HKDC1: variants seen among roughly 807,000 people sequenced by gnomAD.
HKDC1 encodes the protein hexokinase domain containing 1.
Under a neutral mutation model 96.6 loss-of-function variants are expected in HKDC1, and 66 were observed. The ratio of observed to expected loss-of-function variants is 0.68; its 90% confidence interval spans 0.56 to 0.84. HKDC1 has a LOEUF of 0.84. Ranked by LOEUF, HKDC1 falls within the 40% of genes least tolerant of loss-of-function variation. HKDC1 has a pLI of 0.00. For synonymous variants in HKDC1, 466 were observed against 473.1 expected, an observed-to-expected ratio of 0.98 and a Z score of 0.20; for missense variants, 1,211 against 1,208.1, an observed-to-expected ratio of 1.00 and a Z score of -0.04.
chr10:69,250,495 T>A (rs1216608030), intron 11 of HKDC1, 38 bp from the exon 12 acceptor site: 2 of 1,613,294 alleles, frequency 1.2e-6, no homozygotes, highest in Non-Finnish European at 1.7e-6. Flanking sequence ...TGCATCGATG[T>A]CCGCCTGGTG....
chr10:69,258,624 T>G (rs1843757038), intron 14 of HKDC1, 152 bp from the exon 15 acceptor site: 1 of 746,280 alleles, frequency 1.3e-6, no homozygotes, highest in African/African-American at 1.8e-5. Flanking sequence ...GATGAGATGC[T>G]TGCCCAAGGT....
intron 4 of HKDC1, among the ~76,000 whole-genome samples, chr10:69,238,226 G>C (rs913809365): frequency 6.6e-6 from 1 of 152,130 alleles, no homozygotes; most frequent in South Asian, 2.1e-4. Context: ...CTACAGGTAC[G>C]GGCCACTCTG....
chr10:69,232,686 T>C, intron 2 of HKDC1, 78 bp from the exon 3 acceptor site: 1 of 1,333,720 alleles, frequency 7.5e-7, no homozygotes, highest in Admixed American at 1.8e-5. Flanking sequence ...GTTGATTATA[T>C]GTCCAACCTC....
rs33937984 is a variant in HKDC1 at position 69,239,766 on chromosome 10, C to CTTTTTTT, written c.591+641_591+647dup. 1.6e-5 allele frequency among the ~76,000 whole-genome samples: 2 copies of CTTTTTTT among 126,644 alleles called. 1 individual carries two copies. The allele number at this position is 126,644 out of a possible 152,430, so 83.1% of individuals were successfully genotyped here. Reference sequence around the variant, plus strand: ...ATTTTCCCTTATTGTTTTCATTTTACTTTTTTTTTTTTTTTTTTAGAGATG... The same window carrying CTTTTTTT: ...ATTTTCCCTTATTGTTTTCATTTTACTTTTTTTTTTTTTTTTTTTTTTTTTAGAGATG... On this transcript the variant is annotated intron_variant, in intron 5 of 17. Coordinates refer to ENST00000354624, the MANE Select transcript of HKDC1 (RefSeq NM_025130.4).
In HKDC1 at chr10:69,265,773, G is replaced by A. The variant is rs1589418687; in HGVS notation, c.2561G>A (p.Arg854Lys). ...RREDQGLEHL[R>K]ITVGVDGTLY... is the part of the protein sequence containing the mutation. The stretch of plus-strand genomic sequence containing the variant: ...GAAGACCAGGGGCTAGAGCACCTGA[G>A]GATCACTGTGGGTGTGGACGGCACC... Residue 854 changes from arginine to lysine, a missense_variant, in exon 17 of 18, where the codon AGG becomes AAG. Transcript: ENST00000354624. The A allele has an allele frequency of 1.2e-6, 2 of 1,613,518 alleles. No homozygotes were observed. Among genetic ancestry groups the A allele is most frequent in the East Asian group, 2.2e-5 (1 of 44,896 alleles).
intron 2 of HKDC1, among the ~76,000 whole-genome samples, chr10:69,230,268 C>T (rs766957532): frequency 1.3e-5 from 2 of 152,328 alleles, no homozygotes; most frequent in African/African-American, 4.8e-5. Flanking sequence ...TGGCTTGACC[C>T]CTGCTGGCTC....
rs772815177 is a variant in HKDC1 at position 69,247,595 on chromosome 10, T to C, written c.1265+2T>C. ...CACCCTCTACAAGATACACCCTCAG[T>C]GAGTGCTGCCTGCCATCCACGCCCC... On this transcript the variant is annotated splice_donor_variant, in intron 9 of 17. Transcript: ENST00000354624. LOFTEE classifies it high-confidence loss of function. The C allele has an allele frequency of 7.4e-6, 12 of 1,611,904 alleles. No individual in the cohort carries two copies. In the African/African-American group the frequency reaches 1.5e-4, roughly 20 times the overall value.
chr10:69,255,236 G>A (rs1181540525), intron 12 of HKDC1, among the ~76,000 whole-genome samples: 2 of 152,230 alleles, frequency 1.3e-5, no homozygotes, highest in African/African-American at 4.8e-5. Flanking sequence ...AGAAAAAAGA[G>A]AGACGTCAAA....
chr10:69,233,166 T>C (rs202165523), intron 4 of HKDC1, 33 bp downstream of exon 4: 127 of 1,611,304 alleles, frequency 7.9e-5, no homozygotes, highest in Non-Finnish European at 9.8e-5. Context: ...AGTGCAGGAA[T>C]TGGGGCTTGG....
Position 69,266,730 on chromosome 10 carries a change from G to A in HKDC1, c.2727G>A (p.Arg909=), listed in dbSNP as rs1012065612. The change falls in exon 18 of 18, where the codon AGG becomes AGA. Residue 909 remains arginine, a synonymous_variant. Coordinates refer to ENST00000354624, the MANE Select transcript of HKDC1 (RefSeq NM_025130.4). Reference sequence around the variant, plus strand: ...CACTGATCACTGCTGTGGCCAAGAGGTTACAGCAGGCACAGAAGGAGAACT... The same window carrying A: ...CACTGATCACTGCTGTGGCCAAGAGATTACAGCAGGCACAGAAGGAGAACT... ...GAALITAVAK[R]LQQAQKEN 11 of 1,613,584 alleles carry A rather than the reference G, an allele frequency of 6.8e-6. No homozygotes were observed. Among genetic ancestry groups the A allele is most frequent in the Admixed American group, 3.3e-5 (2 of 59,872 alleles).
intron 1 of HKDC1, among the ~76,000 whole-genome samples, chr10:69,222,716 T>A (rs974704285): frequency 5.3e-5 from 8 of 152,176 alleles, no homozygotes; most frequent in Admixed American, 4.6e-4. Context: ...GGAGCTGACC[T>A]CCCTCTCCCT....
At chr10:69,253,564 G>A (rs1308979573) in intron 12 of HKDC1, among the ~76,000 whole-genome samples, 1 of 152,218 alleles carries the variant, frequency 6.6e-6, no homozygotes, top group African/African-American at 2.4e-5. Context: ...CTGAGGCATG[G>A]TTTCCCCATT....
rs762433175 is a variant in HKDC1 at position 69,240,689 on chromosome 10, C to G, written c.629C>G (p.Thr210Ser). ...GACATCCTGGCCCTGGTCAATGACACCGTGGGGACCATGATGACCTGTGCC... is the reference window on the plus strand; with the variant it reads ...GACATCCTGGCCCTGGTCAATGACAGCGTGGGGACCATGATGACCTGTGCC... ...DVDILALVND[T>S]VGTMMTCAYD... Residue 210 changes from threonine to serine, a missense_variant, in exon 6 of 18, where the codon ACC becomes AGC. Transcript: ENST00000354624. 6.2e-7 allele frequency: 1 copy of G among 1,614,086 alleles called. No individual in the cohort carries two copies. The highest frequency in any genetic ancestry group is 1.1e-5 in the South Asian group (1 of 91,074).
At chr10:69,250,486 G>A in intron 11 of HKDC1, 47 bp from the exon 12 acceptor site, 1 of 1,612,886 alleles carries the variant, frequency 6.2e-7, no homozygotes, top group Non-Finnish European at 8.5e-7. Context: ...CTGCCACCCT[G>A]CATCGATGTC....
At chr10:69,238,967 G>C (rs1843407817) in intron 4 of HKDC1, 75 bp from the exon 5 acceptor site, 1 of 1,007,058 alleles carries the variant, frequency 9.9e-7, no homozygotes, top group Admixed American at 2.0e-5. Context: ...ATGCACGTAG[G>C]CATGAAGTTT....
intron 16 of HKDC1, among the ~76,000 whole-genome samples, chr10:69,262,447 C>T (rs1010498584): frequency 2.0e-5 from 3 of 151,978 alleles, no homozygotes; most frequent in Non-Finnish European, 4.4e-5. Context: ...ATTTCCATCA[C>T]CATCAGTTAT....
chr10:69,248,963 A>G, intron 10 of HKDC1: 1 of 526,478 alleles, frequency 1.9e-6, no homozygotes, highest in Non-Finnish European at 3.3e-6. Context: ...ACATTAGGTT[A>G]TGTGTGTGCA....
intron 2 of HKDC1, among the ~76,000 whole-genome samples, chr10:69,228,412 T>G (rs1843196581): frequency 6.6e-6 from 1 of 152,190 alleles, no homozygotes; most frequent in Admixed American, 6.5e-5. Flanking sequence ...CCTTGCACCC[T>G]CAGATATTCA....
intron 12 of HKDC1, among the ~76,000 whole-genome samples, chr10:69,256,049 C>A (rs1843713147): frequency 6.6e-6 from 1 of 152,012 alleles, no homozygotes; most frequent in South Asian, 2.1e-4. Context: ...TAATTTTGCA[C>A]CCAGAGAGAG....
Sources: gnomAD v4.1 joint callset for allele counts (sites outside exome capture counted in the v4.1 genomes callset) on GRCh38, gnomAD v4.1.1 for gene constraint, MANE v1.5 for transcripts, NCBI Gene and HGNC (gene_info 2026-07-23, HGNC 2026-07-21) for gene names.